The following TAFA4 variants were observed in gnomAD, a reference collection of about 807,000 sequenced individuals.
TAFA4 encodes the protein TAFA chemokine like family member 4.
A neutral mutation model predicts 21.1 loss-of-function variants in TAFA4; 20 were observed. The ratio of observed to expected loss-of-function variants is 0.95; its 90% CI spans 0.67 to 1.38. The LOEUF (loss-of-function observed/expected upper bound fraction) is 1.38. TAFA4 is among the 40% of genes most tolerant of loss of function. The pLI, the probability that TAFA4 is intolerant of heterozygous loss-of-function variation, is 0.00. For synonymous variants in TAFA4, 71 were observed against 67.4 expected, an observed-to-expected ratio of 1.05 and a Z score of -0.26; for missense variants, 211 against 180.9, an observed-to-expected ratio of 1.17 and a Z score of -0.95.
At chr3:68,903,013 TA>T (rs34313032) in intron 1 of TAFA4, among the ~76,000 whole-genome samples, 1 of 151,250 alleles carries the variant, frequency 6.6e-6, no homozygotes, top group African/African-American at 2.4e-5. Context: ...CTGAAAAAAT[TA>T]AAAAAAATCA....
chr3:68,850,077 A>G, intron 3 of TAFA4, among the ~76,000 whole-genome samples: 1 of 152,172 alleles, frequency 6.6e-6, no homozygotes. Context: ...CTCTTTTCCC[A>G]TGAAACAACC....
intron 3 of TAFA4, among the ~76,000 whole-genome samples, chr3:68,760,383 A>C (rs1702738685): frequency 2.0e-5 from 3 of 152,232 alleles, no homozygotes; most frequent in Admixed American, 6.5e-5. Context: ...CACATCTGCA[A>C]TAGAAGTTCT....
At chr3:68,905,249 G>A (rs747245668) in intron 1 of TAFA4, among the ~76,000 whole-genome samples, 19 of 133,514 alleles carry the variant, frequency 1.4e-4, no homozygotes, top group African/African-American at 1.7e-4. Flanking sequence ...TCCGCCTCCC[G>A]CCTCCTGCCT....
At chr3:68,831,703 G>A (rs1276924185) in intron 3 of TAFA4, among the ~76,000 whole-genome samples, 1 of 152,114 alleles carries the variant, frequency 6.6e-6, no homozygotes, top group Non-Finnish European at 1.5e-5. Flanking sequence ...GGTGTTCTCT[G>A]TATTTCCTGA....
At chr3:68,854,212 G>C (rs1352496557) in intron 3 of TAFA4, among the ~76,000 whole-genome samples, 1 of 151,958 alleles carries the variant, frequency 6.6e-6, no homozygotes, top group South Asian at 2.1e-4. Flanking sequence ...GAGGGCTCCA[G>C]GTGGAGGGAA....
At chr3:68,753,237 GCCT>G (rs1479189287) in intron 3 of TAFA4, among the ~76,000 whole-genome samples, 1 of 151,906 alleles carries the variant, frequency 6.6e-6, no homozygotes, top group Non-Finnish European at 1.5e-5. Flanking sequence ...CAGAAATGAG[GCCT>G]CCAGGATCCT....
At chr3:68,876,120 G>A (rs890134820) in intron 3 of TAFA4, among the ~76,000 whole-genome samples, 2 of 152,152 alleles carry the variant, frequency 1.3e-5, no homozygotes, top group African/African-American at 4.8e-5. Flanking sequence ...CTAACCACAT[G>A]TGACTATTGA....
chr3:68,904,614 G>A lies in TAFA4; in HGVS notation c.-122-19304C>T, dbSNP rs561966400. Among the ~76,000 whole-genome samples, 51 of 152,288 alleles carry A rather than the reference G, an allele frequency of 3.3e-4. 1 individual carries two copies. Among genetic ancestry groups the A allele is most frequent in the South Asian group, 2.9e-3 (14 of 4,816 alleles). The stretch of plus-strand genomic sequence containing the variant: ...TAGGGTAGGTTTTCCCCAAAGCAGA[G>A]CCTGGGACAAGGACTTAACAGAAGA... On this transcript the variant is annotated intron_variant, in intron 1 of 5. Coordinates refer to ENST00000295569, the MANE Select transcript of TAFA4 (RefSeq NM_182522.5).
At chr3:68,756,460 T>C (rs548641479) in intron 3 of TAFA4, among the ~76,000 whole-genome samples, 1 of 152,332 alleles carries the variant, frequency 6.6e-6, no homozygotes, top group African/African-American at 2.4e-5. Context: ...TGGTTTCTGT[T>C]GGTGTATGTG....
chr3:68,839,543 GAA>G (rs946872728), intron 3 of TAFA4, among the ~76,000 whole-genome samples: 2 of 152,166 alleles, frequency 1.3e-5, no homozygotes, highest in African/African-American at 4.8e-5. Flanking sequence ...ACAGGTACTG[GAA>G]AAGTCAGCAT....
At chr3:68,891,110 A>G (rs2106965344) in intron 1 of TAFA4, among the ~76,000 whole-genome samples, 1 of 152,344 alleles carries the variant, frequency 6.6e-6, no homozygotes. Flanking sequence ...ACTTCTGAAT[A>G]GAACTCTCTA....
At chr3:68,840,933 C>T (rs1704647791) in intron 3 of TAFA4, among the ~76,000 whole-genome samples, 1 of 152,174 alleles carries the variant, frequency 6.6e-6, no homozygotes, top group South Asian at 2.1e-4. Flanking sequence ...TGGACTTACC[C>T]TATCTCACAT....
intron 3 of TAFA4, among the ~76,000 whole-genome samples, chr3:68,791,630 T>C (rs1311477982): frequency 6.6e-6 from 1 of 152,054 alleles, no homozygotes; most frequent in South Asian, 2.1e-4. Flanking sequence ...ACAAAGAAAA[T>C]AAGAAAATAA....
chr3:68,749,493 C>A (rs931227813), intron 4 of TAFA4, among the ~76,000 whole-genome samples: 1 of 152,106 alleles, frequency 6.6e-6, no homozygotes, highest in Admixed American at 6.5e-5. Context: ...CATGATACTG[C>A]ATAATTATTA....
chr3:68,814,660 A>C (rs1227133679), intron 3 of TAFA4, among the ~76,000 whole-genome samples: 1 of 152,210 alleles, frequency 6.6e-6, no homozygotes, highest in East Asian at 1.9e-4. Context: ...AATGAAATAA[A>C]AGAGGATACA....
intron 3 of TAFA4, among the ~76,000 whole-genome samples, chr3:68,810,783 G>A (rs1003987129): frequency 6.6e-6 from 1 of 152,224 alleles, no homozygotes; most frequent in African/African-American, 2.4e-5. Flanking sequence ...AGAAAACTCT[G>A]CAGACTTAAA....
intron 3 of TAFA4, among the ~76,000 whole-genome samples, chr3:68,806,473 T>G (rs999083611): frequency 6.6e-6 from 1 of 152,214 alleles, no homozygotes; most frequent in Non-Finnish European, 1.5e-5. Context: ...TTAAGCCTTT[T>G]GTAATAAAAG....
intron 3 of TAFA4, among the ~76,000 whole-genome samples, chr3:68,812,931 T>C (rs1341052715): frequency 6.6e-6 from 1 of 152,052 alleles, no homozygotes; most frequent in Non-Finnish European, 1.5e-5. Context: ...GGAAGTAAAG[T>C]ACTCCTCAGC....
At chr3:68,879,971 C>T (rs986345630) in intron 3 of TAFA4, among the ~76,000 whole-genome samples, 1 of 152,146 alleles carries the variant, frequency 6.6e-6, no homozygotes, top group Non-Finnish European at 1.5e-5. Flanking sequence ...TCCATTGACA[C>T]ATATGAATTA....
Sources: allele counts gnomAD v4.1 joint callset (sites outside exome capture counted in the v4.1 genomes callset), GRCh38; gene constraint gnomAD v4.1.1; transcripts MANE v1.5; gene names NCBI Gene and HGNC (gene_info 2026-07-23, HGNC 2026-07-21).